The following ATP11C variants were observed in gnomAD, a reference collection of about 807,000 sequenced individuals.
ATP11C encodes ATPase phospholipid transporting 11C (ATP11C blood group).
A neutral mutation model predicts 97.4 loss-of-function variants in ATP11C; 36 were observed. That is an observed-to-expected ratio of 0.37 (90% confidence interval 0.28 to 0.49). ATP11C has a LOEUF of 0.49. Among genes scored for constraint, ATP11C ranks in the 20% least tolerant of loss-of-function variants. The probability of loss-of-function intolerance (pLI) is 0.98; values close to 1 mark genes in which losing one functional copy is unlikely to be tolerated. For missense variants in ATP11C, 730 were observed against 824.6 expected (o/e 0.89, Z 1.40); for synonymous variants, 275 against 290.9 (o/e 0.95, Z 0.56).
intron 19 of ATP11C, among the ~76,000 whole-genome samples, chrX:139,769,295 T>C (rs867060622): frequency 3.2e-5 from 2 of 62,437 alleles, no homozygotes; most frequent in Non-Finnish European, 5.4e-5. Flanking sequence ...TATATATATA[T>C]ATATATATAT....
At chrX:139,832,633 G>A (rs2083674665) in intron 1 of ATP11C, among the ~76,000 whole-genome samples, 2 of 112,229 alleles carry the variant, frequency 1.8e-5, no homozygotes, top group Admixed American at 1.9e-4. Context: ...AAGCTTCGGA[G>A]GAAAGTTGAA....
At chrX:139,874,360 C>G (rs2084433052) in intron 1 of ATP11C, among the ~76,000 whole-genome samples, 1 of 109,686 alleles carries the variant, frequency 9.1e-6, no homozygotes, top group Non-Finnish European at 1.9e-5. Context: ...GCGCCTGGCA[C>G]AATCAGGTTT....
chrX:139,868,706 G>A (rs2084323508), intron 1 of ATP11C, among the ~76,000 whole-genome samples: 1 of 105,446 alleles, frequency 9.5e-6, no homozygotes. Context: ...CAGCCTGGGT[G>A]ACAGAGCCAG....
intron 1 of ATP11C, among the ~76,000 whole-genome samples, chrX:139,869,565 G>A (rs1181558479): frequency 4.8e-5 from 5 of 104,239 alleles, no homozygotes; most frequent in Non-Finnish European, 9.8e-5. Flanking sequence ...TGGGTGGATC[G>A]GTTGAGGCCA....
intron 1 of ATP11C, among the ~76,000 whole-genome samples, chrX:139,874,263 T>C (rs1193707152): frequency 2.0e-5 from 2 of 100,378 alleles, no homozygotes; most frequent in Non-Finnish European, 4.0e-5. Context: ...TTTCACCATG[T>C]TGGCCAGACT....
At chrX:139,805,451 T>C (rs1406914656) in intron 5 of ATP11C, among the ~76,000 whole-genome samples, 3 of 111,927 alleles carry the variant, frequency 2.7e-5, no homozygotes, top group Non-Finnish European at 5.6e-5. Context: ...GCAAAGTGCC[T>C]GGCACATATT....
intron 24 of ATP11C, among the ~76,000 whole-genome samples, chrX:139,746,385 A>G (rs911851977): frequency 4.5e-5 from 5 of 111,495 alleles, no homozygotes; most frequent in African/African-American, 1.6e-4. Flanking sequence ...GGATATTTTT[A>G]AAGCCCACCA....
At chrX:139,810,124 T>C (rs2083137491) in intron 5 of ATP11C, among the ~76,000 whole-genome samples, 1 of 110,874 alleles carries the variant, frequency 9.0e-6, no homozygotes, top group African/African-American at 3.3e-5. Context: ...AAAATGAAAA[T>C]ATGCTCTCTG....
intron 20 of ATP11C, among the ~76,000 whole-genome samples, chrX:139,763,908 A>T (rs1234646185): frequency 8.9e-6 from 1 of 111,837 alleles, no homozygotes; most frequent in Non-Finnish European, 1.9e-5. Context: ...TTCTATGCAT[A>T]TATGAACTAT....
At chrX:139,767,031 A>G (rs961374550) in intron 20 of ATP11C, among the ~76,000 whole-genome samples, 1 of 111,822 alleles carries the variant, frequency 8.9e-6, no homozygotes, top group Non-Finnish European at 1.9e-5. Flanking sequence ...TACACCAGAG[A>G]AAGGAGTGAT....
At chrX:139,801,660 TC>T (rs1047797728) in intron 7 of ATP11C, among the ~76,000 whole-genome samples, 9 of 111,657 alleles carry the variant, frequency 8.1e-5, no homozygotes, top group Non-Finnish European at 1.5e-4. Context: ...AGTCTTGAAA[TC>T]AAACGCCAAT....
In ATP11C at chrX:139,797,231, T is replaced by C. The variant is rs368191959; in HGVS notation, c.953A>G (p.Tyr318Cys). The C allele has an allele frequency of 5.0e-6, 6 of 1,202,979 alleles. No individual in the cohort carries two copies. The highest frequency in any genetic ancestry group is 6.7e-6 in the Non-Finnish European group (6 of 890,906). ...TLKYVWQSTP[Y>C]NDEPWYNQKT... is the part of the protein sequence containing the mutation. Reference sequence around the variant, plus strand: ...TTGGTTATACCAAGGTTCATCATTGTATGGGGTACTTTGCCAAACATACTT... The same window carrying C: ...TTGGTTATACCAAGGTTCATCATTGCATGGGGTACTTTGCCAAACATACTT... The change falls in exon 11 of 30, where the codon TAC (tyrosine) becomes TGC (cysteine). Residue 318 changes from tyrosine to cysteine, a missense_variant. Coordinates refer to ENST00000682941, the MANE Select transcript of ATP11C (RefSeq NM_001353812.2).
chrX:139,766,022 T>C (rs188307550), intron 20 of ATP11C, among the ~76,000 whole-genome samples: 3 of 111,582 alleles, frequency 2.7e-5, no homozygotes, highest in Non-Finnish European at 5.7e-5. Flanking sequence ...AGGTCAGTCA[T>C]AGAAAAAGAA....
At chrX:139,827,142 A>C (rs1219609367) in intron 1 of ATP11C, among the ~76,000 whole-genome samples, 1 of 112,166 alleles carries the variant, frequency 8.9e-6, no homozygotes, top group Non-Finnish European at 1.9e-5. Flanking sequence ...ATGAATCTTA[A>C]CCATAACCTT....
intron 1 of ATP11C, among the ~76,000 whole-genome samples, chrX:139,899,905 T>C (rs997930262): frequency 2.7e-5 from 3 of 111,227 alleles, no homozygotes; most frequent in Non-Finnish European, 5.6e-5. Flanking sequence ...CAGATGGAAG[T>C]AGTTTTGTCA....
chrX:139,800,453 A>G (rs940615796), intron 7 of ATP11C, among the ~76,000 whole-genome samples: 1 of 111,978 alleles, frequency 8.9e-6, no homozygotes, highest in African/African-American at 3.2e-5. Context: ...GGATCATGTG[A>G]AGAAAGGTTT....
chrX:139,735,650 T>C (rs571404072), intron 28 of ATP11C, among the ~76,000 whole-genome samples: 10 of 111,621 alleles, frequency 9.0e-5, no homozygotes, highest in South Asian at 7.5e-4. Flanking sequence ...TCCACCTCTT[T>C]GATATAGCCA....
At chrX:139,780,791 G>A (rs1284002442) in intron 18 of ATP11C, among the ~76,000 whole-genome samples, 2 of 111,905 alleles carry the variant, frequency 1.8e-5, no homozygotes, top group Non-Finnish European at 3.8e-5. Flanking sequence ...GATGCAGCTG[G>A]AGGCCACTAT....
Position 139,796,374 on chromosome X carries a change from A to G in ATP11C, c.1105T>C (p.Leu369=), listed in dbSNP as rs377197081. ...MYVTVEMQKF[L]GSFFISWDKD... ...TCCCATGAGATGAAGAAGGAGCCCAAGAATTTCTGCATTTCTACTGTGACG... is the reference window on the plus strand; with the variant it reads ...TCCCATGAGATGAAGAAGGAGCCCAGGAATTTCTGCATTTCTACTGTGACG... Residue 369 remains leucine, a synonymous_variant, in exon 12 of 30, where the codon TTG becomes CTG. Coordinates refer to ENST00000682941, the MANE Select transcript of ATP11C (RefSeq NM_001353812.2). 2.5e-6 allele frequency: 3 copies of G among 1,202,714 alleles called. No homozygotes were observed. The African/African-American group carries it at 5.2e-5, about 21-fold the overall frequency.
Sources: gnomAD v4.1 joint callset for allele counts (sites outside exome capture counted in the v4.1 genomes callset) on GRCh38, gnomAD v4.1.1 for gene constraint, MANE v1.5 for transcripts, NCBI Gene and HGNC (gene_info 2026-07-23, HGNC 2026-07-21) for gene names.